DUSP16: variants seen among roughly 807,000 people sequenced by gnomAD.
The protein encoded by DUSP16 is dual specificity protein phosphatase 16.
DUSP16 carries 21 observed loss-of-function variants against 58.3 expected under a neutral mutation model. The observed-to-expected ratio is 0.36, with a 90% CI of 0.26 to 0.52. The LOEUF (loss-of-function observed/expected upper bound fraction) is 0.52. Among genes scored for constraint, DUSP16 ranks in the 20% least tolerant of loss-of-function variants. DUSP16 has a pLI of 0.94. For synonymous variants in DUSP16, 320 were observed against 323.8 expected, an observed-to-expected ratio of 0.99 and a Z score of 0.12; for missense variants, 726 against 819.0, an observed-to-expected ratio of 0.89 and a Z score of 1.39.
intron 1 of DUSP16, among the ~76,000 whole-genome samples, chr12:12,524,076 T>G (rs978651074): frequency 9.2e-5 from 14 of 152,242 alleles, no homozygotes; most frequent in African/African-American, 3.1e-4. Flanking sequence ...CATGCAAAAG[T>G]TGAATTAGAA....
chr12:12,518,428 G>A (rs996087716), intron 3 of DUSP16, among the ~76,000 whole-genome samples: 4 of 151,690 alleles, frequency 2.6e-5, no homozygotes, highest in Admixed American at 6.6e-5. Context: ...CAGGAGAATC[G>A]CTTGAACCTG....
rs1165346196 is a variant in DUSP16, at chr12:12,519,888, C to T, written c.341G>A (p.Ser114Asn). ...LTVLLGKLEK[S>N]FNSVHLLAGG... ...TGCAAGCAGGTGAACAGAGTTGAAG[C>T]TCTTCTCCAGTTTACCCAGAAGTAC... Residue 114 changes from serine to asparagine, a missense_variant, in exon 3 of 7, where the codon AGC becomes AAC. By Grantham distance (46) the Ser-to-Asn change is conservative. Coordinates refer to ENST00000298573, the MANE Select transcript of DUSP16 (RefSeq NM_030640.3). 1.9e-6 allele frequency: 3 copies of T among 1,614,088 alleles called. No homozygotes were observed. In the East Asian group the frequency reaches 6.7e-5, roughly 36 times the overall value.
At chr12:12,555,135 A>C (rs1944788699) in intron 1 of DUSP16, among the ~76,000 whole-genome samples, 1 of 152,220 alleles carries the variant, frequency 6.6e-6, no homozygotes, top group African/African-American at 2.4e-5. Context: ...GCTGCTCGGG[A>C]AGAGAAGGAG....
At chr12:12,542,058 A>C (rs927481043) in intron 1 of DUSP16, among the ~76,000 whole-genome samples, 2 of 152,216 alleles carry the variant, frequency 1.3e-5, no homozygotes, top group African/African-American at 4.8e-5. Flanking sequence ...CAAAGACCAC[A>C]TATTATATGA....
At chr12:12,535,518 G>A (rs779691171) in intron 1 of DUSP16, among the ~76,000 whole-genome samples, 1 of 151,936 alleles carries the variant, frequency 6.6e-6, no homozygotes, top group Non-Finnish European at 1.5e-5. Flanking sequence ...TTGGGTTCAG[G>A]CACATTACCT....
chr12:12,483,636 T>C (rs1943618974), intron 5 of DUSP16, among the ~76,000 whole-genome samples: 1 of 150,680 alleles, frequency 6.6e-6, no homozygotes, highest in African/African-American at 2.4e-5. Flanking sequence ...GAGTTTGGCA[T>C]GAGGAGAGCT....
chr12:12,543,966 C>A (rs1326558786), intron 1 of DUSP16, among the ~76,000 whole-genome samples: 3 of 151,708 alleles, frequency 2.0e-5, no homozygotes, highest in Non-Finnish European at 2.9e-5. Flanking sequence ...CTGTGGTTAA[C>A]TCAAAGCATT....
At chr12:12,519,345 T>C (rs1944197118) in intron 3 of DUSP16, among the ~76,000 whole-genome samples, 1 of 152,210 alleles carries the variant, frequency 6.6e-6, no homozygotes, top group Non-Finnish European at 1.5e-5. Flanking sequence ...TTCCCCTAAT[T>C]ACCAGAAGAA....
chr12:12,480,061 C>A (rs1943534753), intron 6 of DUSP16, among the ~76,000 whole-genome samples, 162 bp downstream of exon 6: 1 of 152,202 alleles, frequency 6.6e-6, no homozygotes, highest in Non-Finnish European at 1.5e-5. Flanking sequence ...AAACAGCATT[C>A]TTTTCCAATC....
chr12:12,479,160 A>C (rs1943514858), intron 6 of DUSP16, among the ~76,000 whole-genome samples: 1 of 152,168 alleles, frequency 6.6e-6, no homozygotes, highest in South Asian at 2.1e-4. Context: ...TTCATGGAGG[A>C]AATAAAGACT....
intron 4 of DUSP16, chr12:12,491,278 T>C (rs1053026201): frequency 6.6e-6 from 1 of 152,064 alleles, no homozygotes; most frequent in African/African-American, 2.4e-5. Context: ...CTCAAACTCC[T>C]GGATTCGAGT....
chr12:12,496,285 GATCAT>G (rs1458073917), intron 4 of DUSP16, among the ~76,000 whole-genome samples: 3 of 152,186 alleles, frequency 2.0e-5, no homozygotes, highest in Non-Finnish European at 4.4e-5. Flanking sequence ...TGTGTTCCTA[GATCAT>G]ATATTTCCAC....
chr12:12,499,918 G>A (rs1351223776), intron 4 of DUSP16, among the ~76,000 whole-genome samples: 2 of 151,960 alleles, frequency 1.3e-5, no homozygotes, highest in Non-Finnish European at 2.9e-5. Context: ...CTCCATTAGG[G>A]CACGCTTTGT....
chr12:12,553,235 G>C (rs1405461077), intron 1 of DUSP16, among the ~76,000 whole-genome samples: 1 of 152,104 alleles, frequency 6.6e-6, no homozygotes, highest in African/African-American at 2.4e-5. Flanking sequence ...AGACCAAAAT[G>C]TTTGAAAACC....
chr12:12,494,394 A>T lies in DUSP16; in HGVS notation c.531+6125T>A, dbSNP rs1312023306. On this transcript the variant is annotated intron_variant, in intron 4 of 6. Transcript: ENST00000298573. ...CCAAGGGCTTACTATGCATCAAGGT[A>T]TTCTGGGGCATAAAAAAGCAAGTGT... Among the ~76,000 whole-genome samples, 4 of 152,340 alleles carry T rather than the reference A, an allele frequency of 2.6e-5. No individual in the cohort carries two copies. The East Asian group carries it at 5.8e-4, about 22-fold the overall frequency.
intron 1 of DUSP16, among the ~76,000 whole-genome samples, chr12:12,525,419 C>T (rs1369668309): frequency 6.6e-6 from 1 of 152,044 alleles, no homozygotes; most frequent in Non-Finnish European, 1.5e-5. Context: ...CAGGCATGCG[C>T]CACCACACCC....
chr12:12,484,754 T>C (rs541597839), intron 5 of DUSP16, among the ~76,000 whole-genome samples: 4 of 152,082 alleles, frequency 2.6e-5, no homozygotes, highest in South Asian at 2.1e-4. Context: ...CCCAAGTAGC[T>C]GGGATTACAG....
At chr12:12,548,247 C>T (rs1015873747) in intron 1 of DUSP16, among the ~76,000 whole-genome samples, 2 of 152,210 alleles carry the variant, frequency 1.3e-5, no homozygotes, top group African/African-American at 4.8e-5. Flanking sequence ...AAATGGCCAA[C>T]TATTTGAAAA....
chr12:12,557,977 T>C (rs933289159), intron 1 of DUSP16, among the ~76,000 whole-genome samples: 2 of 152,242 alleles, frequency 1.3e-5, no homozygotes, highest in Non-Finnish European at 2.9e-5. Flanking sequence ...TCAAATTCTA[T>C]TATCTCTATG....
Sources: allele counts gnomAD v4.1 joint callset (sites outside exome capture counted in the v4.1 genomes callset), GRCh38; gene constraint gnomAD v4.1.1; transcripts MANE v1.5; gene names NCBI Gene and HGNC (gene_info 2026-07-23, HGNC 2026-07-21).